ATP6V0A2: variants seen among roughly 807,000 people sequenced by gnomAD.
The protein encoded by ATP6V0A2 is ATPase H+ transporting V0 subunit a2.
ATP6V0A2 carries 58 observed loss-of-function variants against 104.4 expected under a neutral mutation model. The ratio of observed to expected loss-of-function variants is 0.56; its 90% CI spans 0.45 to 0.69. ATP6V0A2 has a LOEUF of 0.69. Ranked by LOEUF, ATP6V0A2 falls within the 30% of genes least tolerant of loss-of-function variation. ATP6V0A2 has a pLI of 0.00. For missense variants in ATP6V0A2, 938 were observed against 1,062.9 expected, an observed-to-expected ratio of 0.88 and a Z score of 1.63; for synonymous variants, 376 against 397.9, an observed-to-expected ratio of 0.95 and a Z score of 0.65.
chr12:123,737,011 A>G (rs779371040), intron 8 of ATP6V0A2, 48 bp from the exon 9 acceptor site: 1 of 1,591,618 alleles, frequency 6.3e-7, no homozygotes, highest in Admixed American at 1.7e-5. Flanking sequence ...GGTGGACAGA[A>G]ACAAAAACAT....
At chr12:123,748,934 C>A (rs1449958843) in intron 15 of ATP6V0A2, 149 bp downstream of exon 15, 5 of 821,600 alleles carry the variant, frequency 6.1e-6, no homozygotes, top group African/African-American at 1.7e-5. Flanking sequence ...GATGCCAGTC[C>A]AGCTTGACCG....
chr12:123,757,911 C>CTTTT lies in ATP6V0A2; in HGVS notation c.2466-6_2466-3dup. On this transcript the variant is annotated splice_polypyrimidine_tract_variant and intron_variant, in intron 19 of 19. Coordinates refer to ENST00000330342, the MANE Select transcript of ATP6V0A2 (RefSeq NM_012463.4). ...TTCATAATCTTCCATTAATACATGG[C>CTTTT]TTTTTTTTTTTTTAGGGTAGAATTT... is the stretch of plus-strand genomic sequence containing the variant. 2.4e-6 allele frequency: 3 copies of CTTTT among 1,261,562 alleles called. No homozygotes were observed. The highest frequency in any genetic ancestry group is 3.3e-6 in the Non-Finnish European group (3 of 904,564). The allele number at this position is 1,261,562 out of a possible 1,614,324, so 78.1% of individuals were successfully genotyped here.
chr12:123,743,857 C>A lies in ATP6V0A2; in HGVS notation c.1111C>A (p.Arg371Ser). 6.2e-7 allele frequency: 1 copy of A among 1,614,100 alleles called. No individual in the cohort carries two copies. Among genetic ancestry groups the A allele is most frequent in the Middle Eastern group, 1.6e-4 (1 of 6,062 alleles). Residue 371 changes from arginine to serine, a missense_variant, in exon 10 of 20, where the codon CGC (arginine) becomes AGC (serine). Physicochemically the swap from Arg to Ser is moderately radical, Grantham distance 110. Transcript: ENST00000330342. Reference sequence around the variant, plus strand: ...AAAAGAAACACCCCCCACTCGGATCCGCACCAACAAATTCACCGAGGGATT... The same window carrying A: ...AAAAGAAACACCCCCCACTCGGATCAGCACCAACAAATTCACCGAGGGATT... The part of the protein sequence containing the change: ...PTKETPPTRI[R>S]TNKFTEGFQN...
chr12:123,716,662 G>A (rs1305289993), intron 1 of ATP6V0A2, among the ~76,000 whole-genome samples: 3 of 151,002 alleles, frequency 2.0e-5, no homozygotes, highest in Non-Finnish European at 4.4e-5. Flanking sequence ...GTGGTGGCAC[G>A]TGCCTTTAAT....
intron 2 of ATP6V0A2, chr12:123,721,195 T>G (rs943719020): frequency 1.3e-4 from 21 of 156,666 alleles, no homozygotes; most frequent in African/African-American, 4.9e-4. Flanking sequence ...TCTAGGTGTT[T>G]TGTTTTGTTT....
At chr12:123,746,369 A>G (rs991590772) in intron 13 of ATP6V0A2, among the ~76,000 whole-genome samples, 2 of 152,044 alleles carry the variant, frequency 1.3e-5, no homozygotes, top group African/African-American at 4.8e-5. Context: ...TAATATAAAT[A>G]TATCAGCGAA....
chr12:123,731,166 A>G (rs1371372292), intron 6 of ATP6V0A2: 1 of 152,250 alleles, frequency 6.6e-6, no homozygotes, highest in Non-Finnish European at 1.5e-5. Flanking sequence ...TGTAGAAAAC[A>G]AGAAGAAAAA....
At chr12:123,725,113 T>G (rs1956437070) in intron 4 of ATP6V0A2, among the ~76,000 whole-genome samples, 1 of 152,046 alleles carries the variant, frequency 6.6e-6, no homozygotes, top group Admixed American at 6.6e-5. Flanking sequence ...TTTTGTATTT[T>G]TAGTAGAGAT....
intron 9 of ATP6V0A2, among the ~76,000 whole-genome samples, chr12:123,743,308 C>G (rs1182358672): frequency 2.6e-5 from 4 of 152,184 alleles, no homozygotes; most frequent in Non-Finnish European, 5.9e-5. Context: ...GCTCTTGACC[C>G]TGTTGAGTGG....
Position 123,759,862 on chromosome 12 carries a change from C to G in ATP6V0A2, c.*1830C>G, listed in dbSNP as rs550981151. The G allele has an allele frequency of 6.6e-5, 10 of 152,332 alleles. No individual in the cohort carries two copies. Among genetic ancestry groups the G allele is most frequent in the Admixed American group, 6.5e-4 (10 of 15,298 alleles). 9.4% of individuals were successfully genotyped at this position (152,332 alleles called of 1,614,324 possible). A position where few individuals can be genotyped will look rare whatever the true frequency, so the allele number is the denominator to read the frequency against. ...AGTTTGGACTTACTGCTTTTTGTCC[C>G]TCATATTAAATTATCAAATGATGCC... On this transcript the variant is annotated 3_prime_UTR_variant, in exon 20 of 20. Transcript: ENST00000330342.
Position 123,743,899 on chromosome 12 carries a change from G to T in ATP6V0A2, c.1153G>T (p.Ala385Ser). The T allele has an allele frequency of 6.2e-7, 1 of 1,614,210 alleles. No individual in the cohort carries two copies. Among genetic ancestry groups the T allele is most frequent in the African/African-American group, 1.3e-5 (1 of 75,050 alleles). Reference protein sequence around the residue: ...FTEGFQNIVDAYGVGSYREVN... With the variant: ...FTEGFQNIVDSYGVGSYREVN... ...CGAGGGATTTCAGAACATCGTGGAT[G>T]CTTATGGAGTCGGAAGCTACAGAGA... is the stretch of plus-strand genomic sequence containing the variant. Residue 385 changes from alanine (A) to serine (S), a missense_variant, in exon 10 of 20, where the codon GCT becomes TCT. Physicochemically the swap from Ala to Ser is moderately conservative, Grantham distance 99 (BLOSUM62 1). Transcript: ENST00000330342.
chr12:123,724,542 A>T (rs1956429923), intron 3 of ATP6V0A2, 112 bp from the exon 4 acceptor site: 4 of 1,195,316 alleles, frequency 3.3e-6, no homozygotes, highest in Non-Finnish European at 1.2e-6. Flanking sequence ...AAAAAAAAAA[A>T]GAAAAAAACA....
At chr12:123,724,906 T>G in intron 4 of ATP6V0A2, 115 bp downstream of exon 4, 1 of 700,250 alleles carries the variant, frequency 1.4e-6, no homozygotes. Flanking sequence ...GTTGCTTCTT[T>G]TAAGAGATTA....
chr12:123,726,067 C>T (rs1231094824), intron 4 of ATP6V0A2, 130 bp from the exon 5 acceptor site: 4 of 701,488 alleles, frequency 5.7e-6, no homozygotes, highest in Non-Finnish European at 1.0e-5. Flanking sequence ...ATCTAAGTTA[C>T]CTCAGAAGTC....
intron 9 of ATP6V0A2, among the ~76,000 whole-genome samples, chr12:123,742,600 G>T (rs537467046): frequency 7.9e-5 from 12 of 152,262 alleles, no homozygotes; most frequent in Non-Finnish European, 1.6e-4. Flanking sequence ...ACTTTGGGAG[G>T]CCGAGGTGGG....
chr12:123,758,196 T>C lies in ATP6V0A2; in HGVS notation c.*164T>C. 2.0e-6 allele frequency: 1 copy of C among 488,516 alleles called. No individual in the cohort carries two copies. The highest frequency in any genetic ancestry group is 3.6e-6 in the Non-Finnish European group (1 of 279,888). 30.3% of individuals were successfully genotyped at this position (488,516 alleles called of 1,614,324 possible). ...ATACCTCTTCCTCATATGTTAAATA[T>C]TTTGTAAAGTTTACCAATTTGAGAT... On this transcript the variant is annotated 3_prime_UTR_variant, in exon 20 of 20. Transcript: ENST00000330342.
intron 8 of ATP6V0A2, among the ~76,000 whole-genome samples, chr12:123,736,705 A>G (rs1593902728): frequency 6.6e-6 from 1 of 152,148 alleles, no homozygotes; most frequent in Non-Finnish European, 1.5e-5. Context: ...GGTGAGGCCA[A>G]GCTTGGGAAT....
At position 123,751,171 on chromosome 12, in the gene ATP6V0A2, G is replaced by T; in HGVS notation, c.1997G>T (p.Gly666Val). 6.2e-7 allele frequency: 1 copy of T among 1,614,158 alleles called. No individual in the cohort carries two copies. The highest frequency in any genetic ancestry group is 8.5e-7 in the Non-Finnish European group (1 of 1,180,036). The change falls in exon 16 of 20, where the codon GGA becomes GTA. Residue 666 changes from glycine (G) to valine (V), a missense_variant. By Grantham distance (109) the Gly-to-Val change is moderately radical. Coordinates refer to ENST00000330342, the MANE Select transcript of ATP6V0A2 (RefSeq NM_012463.4). ...TALSVPVLFLGKPLFLLWLHN... is the reference protein window; with the variant it reads ...TALSVPVLFLVKPLFLLWLHN... ...TTGTCTGTCCCTGTCCTCTTCTTGG[G>T]AAAGCCACTGTTTTTGTTGTGGCTT...
At chr12:123,727,561 G>A (rs906771135) in intron 5 of ATP6V0A2, among the ~76,000 whole-genome samples, 5 of 152,156 alleles carry the variant, frequency 3.3e-5, no homozygotes, top group African/African-American at 9.7e-5. Context: ...ACAGGCATGA[G>A]CCACTGTGCC....
Sources: gnomAD v4.1 joint callset for allele counts (sites outside exome capture counted in the v4.1 genomes callset) on GRCh38, gnomAD v4.1.1 for gene constraint, MANE v1.5 for transcripts, NCBI Gene and HGNC (gene_info 2026-07-23, HGNC 2026-07-21) for gene names.